The following KMT2E variants were observed in gnomAD, a reference collection of about 807,000 sequenced individuals.
The protein encoded by KMT2E is histone reader KMT2E.
In KMT2E, 30 loss-of-function variants were observed where a neutral mutation model predicts 184.6. That is an observed-to-expected ratio of 0.16 (90% CI 0.12 to 0.22). The LOEUF (loss-of-function observed/expected upper bound fraction) is 0.22, where lower values mean the gene tolerates loss of function less well. Among genes scored for constraint, KMT2E ranks in the 10% least tolerant of loss-of-function variants. The probability of loss-of-function intolerance (pLI) is 1.00; values close to 1 mark genes in which losing one functional copy is unlikely to be tolerated. For synonymous variants in KMT2E, 815 were observed against 776.5 expected (o/e 1.05, Z -0.82); for missense variants, 2,023 against 2,237.4 (o/e 0.90, Z 1.93).
chr7:105,098,085 T>A (rs1184683963), intron 15 of KMT2E, among the ~76,000 whole-genome samples: 2 of 152,212 alleles, frequency 1.3e-5, no homozygotes, highest in Admixed American at 1.3e-4. Context: ...TAACAAATAA[T>A]CTTACCCATC....
chr7:105,051,288 C>A (rs763264309), intron 3 of KMT2E, among the ~76,000 whole-genome samples: 1 of 151,932 alleles, frequency 6.6e-6, no homozygotes, highest in Non-Finnish European at 1.5e-5. Context: ...GAGGTTCAAG[C>A]GATTCTCCTG....
chr7:105,057,328 C>T (rs1040751988), intron 3 of KMT2E, among the ~76,000 whole-genome samples: 10 of 152,234 alleles, frequency 6.6e-5, no homozygotes, highest in African/African-American at 2.2e-4. Context: ...TATGGAAATG[C>T]AGATATATAC....
At chr7:105,071,591 TA>T (rs1797302467) in intron 6 of KMT2E, among the ~76,000 whole-genome samples, 2 of 57,274 alleles carry the variant, frequency 3.5e-5, no homozygotes, top group Non-Finnish European at 3.7e-5. Context: ...TGTATATATA[TA>T]TATATATATA....
In KMT2E at chr7:105,107,666, G is replaced by A. The variant is rs774676482; in HGVS notation, c.3209G>A (p.Ser1070Asn). The A allele has an allele frequency of 4.3e-6, 7 of 1,614,126 alleles. No individual in the cohort carries two copies. Among genetic ancestry groups the A allele is most frequent in the Non-Finnish European group, 5.9e-6 (7 of 1,180,024 alleles). ...RGTMYSSWVK[S>N]PDRTGVNFSV... ...ACAATGTATTCTTCCTGGGTAAAGA[G>A]CCCTGACAGAACAGGAGTTAACTTC... The change falls in exon 22 of 27, where the codon AGC (serine) becomes AAC (asparagine). Residue 1070 changes from serine to asparagine, a missense_variant. By Grantham distance (46) the Ser-to-Asn change is conservative (BLOSUM62 1). Coordinates refer to ENST00000311117, the MANE Select transcript of KMT2E (RefSeq NM_182931.3).
chr7:105,107,996 T>G, intron 22 of KMT2E, 71 bp downstream of exon 22: 5 of 1,035,048 alleles, frequency 4.8e-6, no homozygotes, highest in Non-Finnish European at 6.8e-6. Flanking sequence ...CTGAGGGGAA[T>G]TGTTAGATGT....
In KMT2E at chr7:105,107,871, T is replaced by C. The variant is rs754427918; in HGVS notation, c.3414T>C (p.Asn1138=). Residue 1138 remains asparagine (N), a synonymous_variant, in exon 22 of 27, where the codon AAT becomes AAC. Coordinates refer to ENST00000311117, the MANE Select transcript of KMT2E (RefSeq NM_182931.3). ...TATCTGGTTTCGGACGGACTGTTAA[T>C]GACAATTTGATCGACGGGAATTGCA... The part of the protein sequence containing the change: ...GLVSGFGRTV[N]DNLIDGNCTP... 8.1e-6 allele frequency: 13 copies of C among 1,614,040 alleles called. No homozygotes were observed. The highest frequency in any genetic ancestry group is 1.1e-5 in the Non-Finnish European group (13 of 1,179,990).
chr7:105,074,831 T>G lies in KMT2E; in HGVS notation c.729+16T>G, dbSNP rs1306788397. 1 of 1,583,296 alleles carries G rather than the reference T, an allele frequency of 6.3e-7. No homozygotes were observed. The highest frequency in any genetic ancestry group is 8.6e-7 in the Non-Finnish European group (1 of 1,164,902). ...ATGTAAAAAGGTACGTTTTTGCTTG[T>G]TTTTAGGTGAGTGGATAGGATAGCG... On this transcript the variant is annotated intron_variant, in intron 8 of 26. Coordinates refer to ENST00000311117, the MANE Select transcript of KMT2E (RefSeq NM_182931.3).
In KMT2E at chr7:105,106,628, C is replaced by T. The variant is rs763016890; in HGVS notation, c.2703C>T (p.Thr901=). ...CCCCGTATGCTACACCAACTCACAC[C>T]GATATTACTCCTATGGACCCATCTT... ...TPSPYATPTH[T]DITPMDPSFA... is the part of the protein sequence containing the mutation. The change falls in exon 20 of 27, where the codon ACC becomes ACT. Residue 901 remains threonine, a synonymous_variant. Transcript: ENST00000311117. 9.3e-6 allele frequency: 15 copies of T among 1,613,932 alleles called. No homozygotes were observed. Among genetic ancestry groups the T allele is most frequent in the East Asian group, 6.7e-5 (3 of 44,894 alleles).
intron 3 of KMT2E, among the ~76,000 whole-genome samples, chr7:105,042,318 C>T (rs1471088486): frequency 1.3e-5 from 2 of 152,016 alleles, no homozygotes; most frequent in Non-Finnish European, 2.9e-5. Context: ...TAGGGTAATG[C>T]TGAATTTTTC....
chr7:105,112,793 AC>A lies in KMT2E; in HGVS notation c.5042del (p.Pro1681HisfsTer31), dbSNP rs756965907. 4.3e-6 allele frequency: 2 copies of A among 470,474 alleles called. No individual in the cohort carries two copies. The highest frequency in any genetic ancestry group is 6.2e-6 in the Non-Finnish European group (2 of 323,356). 29.1% of individuals were successfully genotyped at this position (470,474 alleles called of 1,614,324 possible). On this transcript the variant is annotated frameshift_variant, in exon 27 of 27. Coordinates refer to ENST00000311117, the MANE Select transcript of KMT2E (RefSeq NM_182931.3). LOFTEE classifies it high-confidence loss of function. ...AAACTGCTGGACACCACTTACCCCC[AC>A]CCCCACCCCCTCCTGGTCCTGCCCC... ...SQTAGHHLPP[P>X]PPPPGPAPHH...
chr7:105,089,541 C>T (rs1295249148), intron 13 of KMT2E, among the ~76,000 whole-genome samples: 1 of 152,156 alleles, frequency 6.6e-6, no homozygotes, highest in Non-Finnish European at 1.5e-5. Context: ...CTACACCTGA[C>T]CTCATATGAT....
chr7:105,028,037 A>G (rs1017497241), intron 1 of KMT2E, among the ~76,000 whole-genome samples: 1 of 152,006 alleles, frequency 6.6e-6, no homozygotes, highest in African/African-American at 2.4e-5. Context: ...ACTGAATAAT[A>G]CAATTTTTGT....
rs1584726113 is a variant in KMT2E at position 105,049,091 on chromosome 7, ATAT to A, written c.71+8071_71+8073del. On this transcript the variant is annotated intron_variant, in intron 3 of 26. Transcript: ENST00000311117. ...ATGGGAGTAATAGACCAAGGGAAGA[ATAT>A]TAAGAAGAGATGAGAGGAGTAGGGC... is the stretch of plus-strand genomic sequence containing the variant. Among the ~76,000 whole-genome samples, 3 of 152,306 alleles carry A rather than the reference ATAT, an allele frequency of 2.0e-5. No homozygotes were observed. In the East Asian group the frequency reaches 5.8e-4, roughly 29 times the overall value.
chr7:105,029,217 C>T (rs996391873), intron 1 of KMT2E, among the ~76,000 whole-genome samples: 2 of 151,946 alleles, frequency 1.3e-5, no homozygotes, highest in African/African-American at 4.8e-5. Flanking sequence ...GAGCTGAGAT[C>T]GTGCCACTGC....
chr7:105,054,482 ATCTATC>A (rs1796487880), intron 3 of KMT2E, among the ~76,000 whole-genome samples: 1 of 151,330 alleles, frequency 6.6e-6, no homozygotes, highest in Admixed American at 6.6e-5. Flanking sequence ...CTATCTATCT[ATCTATC>A]TATCTATCTA....
intron 20 of KMT2E, 107 bp downstream of exon 20, chr7:105,106,879 A>G (rs1029746261): frequency 8.9e-7 from 1 of 1,129,030 alleles, no homozygotes; most frequent in African/African-American, 1.6e-5. Context: ...GAATACAAAA[A>G]AAAGGTTGTA....
chr7:105,077,469 A>C (rs371808948), intron 11 of KMT2E, 36 bp downstream of exon 11: 2 of 1,542,466 alleles, frequency 1.3e-6, no homozygotes, highest in African/African-American at 2.7e-5. Context: ...CATTTTCTGT[A>C]GGTAAATATT....
At position 105,114,479 on chromosome 7, in the gene KMT2E, G is replaced by T. The variant is rs1008506855; in HGVS notation, c.*1146G>T. ...TAGATCTCTCAGTGAAATGAAAATG[G>T]CCTCTTAAGTGAACGTTTTTATTGC... On this transcript the variant is annotated 3_prime_UTR_variant, in exon 27 of 27. Coordinates refer to ENST00000311117, the MANE Select transcript of KMT2E (RefSeq NM_182931.3). 8 of 152,110 alleles carry T rather than the reference G, an allele frequency of 5.3e-5. No individual in the cohort carries two copies. The highest frequency in any genetic ancestry group is 5.2e-4 in the Admixed American group (8 of 15,272). The allele number at this position is 152,110 out of a possible 1,614,324, so 9.4% of individuals were successfully genotyped here. A position where few individuals can be genotyped will look rare whatever the true frequency, so the allele number is the denominator to read the frequency against.
intron 1 of KMT2E, among the ~76,000 whole-genome samples, chr7:105,028,136 C>T (rs1411795283): frequency 1.3e-5 from 2 of 151,294 alleles, no homozygotes; most frequent in Non-Finnish European, 2.9e-5. Context: ...ATATTTTGCT[C>T]ATTTTTTCCT....
Sources: allele counts gnomAD v4.1 joint callset (sites outside exome capture counted in the v4.1 genomes callset), GRCh38; gene constraint gnomAD v4.1.1; transcripts MANE v1.5; gene names NCBI Gene and HGNC (gene_info 2026-07-23, HGNC 2026-07-21).